CFAP221: variants seen among roughly 807,000 people sequenced by gnomAD.
The protein encoded by CFAP221 is cilia and flagella associated protein 221, also known as cilia- and flagella-associated protein 221.
Under a neutral mutation model 113.1 loss-of-function variants are expected in CFAP221, and 97 were observed. The observed-to-expected ratio is 0.86, with a 90% CI of 0.73 to 1.02. The LOEUF is 1.02. CFAP221 is among the 50% of genes least tolerant of loss of function. CFAP221 has a pLI of 0.00. For synonymous variants in CFAP221, 331 were observed against 354.4 expected (o/e 0.93, Z 0.74); for missense variants, 1,025 against 1,013.4 (o/e 1.01, Z -0.16).
chr2:119,634,263 C>T (rs1336916647), intron 19 of CFAP221, among the ~76,000 whole-genome samples: 2 of 152,004 alleles, frequency 1.3e-5, no homozygotes, highest in Non-Finnish European at 2.9e-5. Context: ...TCAGTTGAGC[C>T]CAGGAGTTTG....
At chr2:119,581,938 C>A (rs1361860436) in intron 6 of CFAP221, among the ~76,000 whole-genome samples, 15 of 151,724 alleles carry the variant, frequency 9.9e-5, no homozygotes, top group Admixed American at 9.8e-4. Flanking sequence ...AAAAGAGAAA[C>A]CTTAAAAAGC....
intron 17 of CFAP221, 70 bp from the exon 18 acceptor site, chr2:119,630,500 G>A: frequency 2.5e-6 from 3 of 1,177,074 alleles, no homozygotes; most frequent in East Asian, 2.4e-5. Flanking sequence ...CGGAAATGCT[G>A]TTGTTGAGAA....
At chr2:119,626,087 C>G (rs971157111) in intron 15 of CFAP221, among the ~76,000 whole-genome samples, 1 of 152,204 alleles carries the variant, frequency 6.6e-6, no homozygotes, top group African/African-American at 2.4e-5. Flanking sequence ...TTTTCCAGCT[C>G]CTGGAGTCCA....
intron 6 of CFAP221, among the ~76,000 whole-genome samples, chr2:119,573,637 A>G (rs1276880224): frequency 6.6e-6 from 1 of 152,244 alleles, no homozygotes; most frequent in Non-Finnish European, 1.5e-5. Context: ...TCGAGGATGT[A>G]GTGAGCTCTG....
intron 20 of CFAP221, 148 bp downstream of exon 20, chr2:119,638,565 A>C: frequency 9.5e-7 from 1 of 1,052,404 alleles, no homozygotes; most frequent in South Asian, 1.5e-5. Flanking sequence ...TCATACCGCC[A>C]GCCCTAAAGG....
chr2:119,655,869 C>G, intron 23 of CFAP221: 1 of 157,076 alleles, frequency 6.4e-6, no homozygotes, highest in South Asian at 2.0e-4. Flanking sequence ...ACATCAGCCT[C>G]GGCTCCACTC....
chr2:119,608,681 A>G (rs1356699093), intron 12 of CFAP221, 92 bp downstream of exon 12: 10 of 1,097,366 alleles, frequency 9.1e-6, no homozygotes, highest in Non-Finnish European at 1.4e-5. Flanking sequence ...GAAAACCCAC[A>G]GTTAAGTTGG....
chr2:119,590,897 G>A (rs1173296998), intron 7 of CFAP221, among the ~76,000 whole-genome samples: 1 of 152,200 alleles, frequency 6.6e-6, no homozygotes. Flanking sequence ...TACAGATCAG[G>A]ATTGTCAAAG....
intron 3 of CFAP221, among the ~76,000 whole-genome samples, chr2:119,551,543 T>C (rs988195881): frequency 6.6e-6 from 1 of 152,210 alleles, no homozygotes; most frequent in African/African-American, 2.4e-5. Flanking sequence ...GTCTTGGCCC[T>C]CTTGCTGAAA....
At chr2:119,604,817 C>G (rs757236664) in intron 9 of CFAP221, 25 bp downstream of exon 9, 2 of 1,594,554 alleles carry the variant, frequency 1.3e-6, no homozygotes, top group Non-Finnish European at 1.7e-6. Context: ...GTCCTTGGTG[C>G]GATGAAAGGG....
intron 19 of CFAP221, chr2:119,638,002 G>A: frequency 3.3e-6 from 1 of 306,948 alleles, no homozygotes; most frequent in Non-Finnish European, 6.0e-6. Flanking sequence ...ATTTTCATGG[G>A]AGTTTAGTAA....
At chr2:119,638,531 G>A in intron 20 of CFAP221, 114 bp downstream of exon 20, 1 of 1,337,774 alleles carries the variant, frequency 7.5e-7, no homozygotes, top group Non-Finnish European at 1.1e-6. Context: ...CACAGCTGCA[G>A]AACAAGAATG....
chr2:119,654,582 A>G (rs1388122811), intron 23 of CFAP221, among the ~76,000 whole-genome samples: 1 of 152,168 alleles, frequency 6.6e-6, no homozygotes, highest in Non-Finnish European at 1.5e-5. Flanking sequence ...ACGAAATAGA[A>G]TTTATTACTT....
At chr2:119,649,106 G>A (rs570615463) in intron 22 of CFAP221, among the ~76,000 whole-genome samples, 1 of 152,332 alleles carries the variant, frequency 6.6e-6, no homozygotes, top group South Asian at 2.1e-4. Context: ...TGAATGAATT[G>A]TGCCTATACA....
intron 17 of CFAP221, among the ~76,000 whole-genome samples, chr2:119,630,357 A>G (rs1686680134): frequency 6.6e-6 from 1 of 152,102 alleles, no homozygotes; most frequent in Non-Finnish European, 1.5e-5. Context: ...AATCATGAAC[A>G]CTCATGTGTG....
chr2:119,562,105 T>C lies in CFAP221; in HGVS notation c.518T>C (p.Leu173Pro). Residue 173 changes from leucine (L) to proline (P), a missense_variant, in exon 6 of 24, where the codon CTT becomes CCT. By Grantham distance (98) the Leu-to-Pro change is moderately conservative. Coordinates refer to ENST00000413369, the MANE Select transcript of CFAP221 (RefSeq NM_001271049.2). ...PSFINLSNVL[L>P]GESKTYVIPL... Reference sequence around the variant, plus strand: ...TTTATAAATCTGTCAAATGTTCTACTTGGTGAAAGGTGAGTTACCAAAATG... The same window carrying C: ...TTTATAAATCTGTCAAATGTTCTACCTGGTGAAAGGTGAGTTACCAAAATG... 7.2e-6 allele frequency: 11 copies of C among 1,531,924 alleles called. No individual in the cohort carries two copies. Among genetic ancestry groups the C allele is most frequent in the Non-Finnish European group, 9.6e-6 (11 of 1,143,778 alleles). 94.9% of individuals were successfully genotyped at this position (1,531,924 alleles called of 1,614,324 possible). A position where few individuals can be genotyped will look rare whatever the true frequency, so the allele number is the denominator to read the frequency against.
chr2:119,579,496 T>G (rs1489719662), intron 6 of CFAP221, among the ~76,000 whole-genome samples: 1 of 152,220 alleles, frequency 6.6e-6, no homozygotes, highest in East Asian at 1.9e-4. Context: ...GTCTTTGATT[T>G]ATGATTATGG....
chr2:119,629,039 AGAAT>A (rs2104758477), intron 16 of CFAP221, among the ~76,000 whole-genome samples: 1 of 152,366 alleles, frequency 6.6e-6, no homozygotes, highest in South Asian at 2.1e-4. Flanking sequence ...TCTATAAAAA[AGAAT>A]GAATTAATTT....
intron 6 of CFAP221, among the ~76,000 whole-genome samples, chr2:119,567,326 G>C (rs1048139330): frequency 2.0e-5 from 3 of 151,956 alleles, no homozygotes; most frequent in African/African-American, 7.3e-5. Flanking sequence ...TTTTTTTACT[G>C]TCACCATAGT....
Sources: gnomAD v4.1 joint callset for allele counts (sites outside exome capture counted in the v4.1 genomes callset) on GRCh38, gnomAD v4.1.1 for gene constraint, MANE v1.5 for transcripts, NCBI Gene and HGNC (gene_info 2026-07-23, HGNC 2026-07-21) for gene names.